Variants in CDKL2 observed in about 807,000 individuals in gnomAD.
CDKL2 encodes cyclin-dependent kinase-like 2.
A neutral mutation model predicts 63.9 loss-of-function variants in CDKL2; 64 were observed. The observed-to-expected ratio is 1.00, with a 90% confidence interval of 0.82 to 1.23. CDKL2 has a LOEUF of 1.23. CDKL2 is among the 50% of genes most tolerant of loss of function. CDKL2 has a pLI of 0.00. For missense variants in CDKL2, 656 were observed against 668.0 expected, an observed-to-expected ratio of 0.98 and a Z score of 0.20; for synonymous variants, 211 against 229.2, an observed-to-expected ratio of 0.92 and a Z score of 0.72.
intron 2 of CDKL2, among the ~76,000 whole-genome samples, chr4:75,620,941 T>C (rs1730125748): frequency 7.1e-6 from 1 of 140,088 alleles, no homozygotes; most frequent in African/African-American, 3.0e-5. Context: ...GCTGAGCATT[T>C]TTTTTTTTTT....
At chr4:75,619,346 A>G (rs932982643) in intron 2 of CDKL2, among the ~76,000 whole-genome samples, 14 of 152,156 alleles carry the variant, frequency 9.2e-5, no homozygotes, top group Non-Finnish European at 1.8e-4. Flanking sequence ...AGAGCCCCCA[A>G]TAACCACCAG....
intron 3 of CDKL2, among the ~76,000 whole-genome samples, chr4:75,610,891 C>G (rs1203543185): frequency 6.6e-6 from 1 of 151,998 alleles, no homozygotes; most frequent in East Asian, 1.9e-4. Context: ...TATTATCTGT[C>G]TACATTAAAA....
chr4:75,593,446 C>T (rs777265223), intron 10 of CDKL2, among the ~76,000 whole-genome samples: 6 of 152,020 alleles, frequency 3.9e-5, no homozygotes, highest in Non-Finnish European at 5.9e-5. Context: ...CATTAATTTT[C>T]GTTAAGGAAA....
intron 3 of CDKL2, among the ~76,000 whole-genome samples, chr4:75,608,720 G>T (rs181422033): frequency 6.6e-6 from 1 of 152,280 alleles, no homozygotes; most frequent in African/African-American, 2.4e-5. Flanking sequence ...TAGGCCGCAC[G>T]CAGTGGCTCA....
At chr4:75,591,143 A>T (rs1728696534) in intron 12 of CDKL2, among the ~76,000 whole-genome samples, 1 of 152,242 alleles carries the variant, frequency 6.6e-6, no homozygotes, top group African/African-American at 2.4e-5. Flanking sequence ...ATTCTGGAAG[A>T]ATAAAAACAA....
chr4:75,614,483 A>T (rs762463336), intron 2 of CDKL2, 34 bp from the exon 3 acceptor site: 13 of 1,343,492 alleles, frequency 9.7e-6, no homozygotes, highest in Middle Eastern at 1.9e-4. Context: ...GCTGTTATTT[A>T]AAAATGCAAA....
intron 3 of CDKL2, among the ~76,000 whole-genome samples, chr4:75,611,167 A>G (rs766544089): frequency 3.3e-5 from 5 of 152,146 alleles, no homozygotes; most frequent in Non-Finnish European, 7.3e-5. Context: ...AGAGTTTAAG[A>G]GTAAATGGAG....
At chr4:75,582,019 T>C in intron 12 of CDKL2, 121 bp from the exon 13 acceptor site, 1 of 663,806 alleles carries the variant, frequency 1.5e-6, no homozygotes, top group East Asian at 2.8e-5. Context: ...ATAGCTCAAG[T>C]TGCCTACATG....
In CDKL2 at chr4:75,625,911, A is replaced by G. The variant is rs758527485; in HGVS notation, c.78T>C (p.Thr26=). 1 of 1,612,806 alleles carries G rather than the reference A, an allele frequency of 6.2e-7. No homozygotes were observed. Among genetic ancestry groups the G allele is most frequent in the Non-Finnish European group, 8.5e-7 (1 of 1,179,230 alleles). ...ACTTCTTTATGGCCACAATTCTTCC[A>G]GTATCTTTATTCCTACACTTCATCA... ...GMVMKCRNKD[T]GRIVAIKKFL... The change falls in exon 2 of 14, where the codon ACT becomes ACC. Residue 26 remains threonine (T), a synonymous_variant. Transcript: ENST00000307465.
Position 75,600,320 on chromosome 4 carries a change from A to G in CDKL2, c.845T>C (p.Leu282Pro), listed in dbSNP as rs773821131. Residue 282 changes from leucine to proline, a missense_variant, in exon 7 of 14, where the codon CTA (leucine) becomes CCA (proline). Coordinates refer to ENST00000307465, the MANE Select transcript of CDKL2 (RefSeq NM_001330724.2). The part of the protein sequence containing the change: ...PDKRPFCAEL[L>P]HHDFFQMDGF... ...ATCCATTTGAAAGAAATCATGGTGTAGGAGCTCAGCACAGAAGGGTCTTTT... is the reference window on the plus strand; with the variant it reads ...ATCCATTTGAAAGAAATCATGGTGTGGGAGCTCAGCACAGAAGGGTCTTTT... 48 of 1,613,666 alleles carry G rather than the reference A, an allele frequency of 3.0e-5. No individual in the cohort carries two copies. Among genetic ancestry groups the G allele is most frequent in the African/African-American group, 4.0e-5 (3 of 74,922 alleles).
intron 1 of CDKL2, among the ~76,000 whole-genome samples, chr4:75,629,606 T>TA (rs1251183388): frequency 6.6e-6 from 1 of 152,214 alleles, no homozygotes; most frequent in Non-Finnish European, 1.5e-5. Flanking sequence ...ACAATTTTGA[T>TA]AAAAATATTT....
chr4:75,581,778 G>A, intron 13 of CDKL2, 32 bp downstream of exon 13: 2 of 1,256,412 alleles, frequency 1.6e-6, no homozygotes, highest in East Asian at 2.3e-5. Context: ...GTGAAAGGCT[G>A]CACAGCTTTA....
intron 6 of CDKL2, among the ~76,000 whole-genome samples, chr4:75,603,018 A>C (rs1336130992): frequency 9.4e-6 from 1 of 106,186 alleles, no homozygotes; most frequent in Non-Finnish European, 1.7e-5. Context: ...TTTGAGACGG[A>C]GTCTCGCTCT....
At chr4:75,614,056 C>A (rs377563910) in intron 3 of CDKL2, among the ~76,000 whole-genome samples, 199 bp downstream of exon 3, 1 of 151,868 alleles carries the variant, frequency 6.6e-6, no homozygotes, top group Admixed American at 6.6e-5. Context: ...GACTCTGTCT[C>A]GGAAAAAAAC....
rs1728046520 is a variant in CDKL2 at position 75,576,920 on chromosome 4, A to G, written c.*2282T>C. Among the ~76,000 whole-genome samples the G allele has an allele frequency of 1.3e-5, 2 of 152,212 alleles. No homozygotes were observed. The highest frequency in any genetic ancestry group is 4.1e-4 in the South Asian group (2 of 4,826). ...CAACTATTACCAGTTAGTCTTTATAAGAAATGTTATTTTATGACCATGCTG... is the reference window on the plus strand; with the variant it reads ...CAACTATTACCAGTTAGTCTTTATAGGAAATGTTATTTTATGACCATGCTG... On this transcript the variant is annotated 3_prime_UTR_variant, in exon 14 of 14. Transcript: ENST00000307465.
rs372845187 is a variant in CDKL2 at position 75,598,041 on chromosome 4, T to C, written c.1020+36A>G. ...TTCTCAAAAAATTTAAAAAAATAAG[T>C]ATATTAAATCTAAAATGTGAAACAT... On this transcript the variant is annotated intron_variant, in intron 8 of 13. Transcript: ENST00000307465. 3.8e-6 allele frequency: 5 copies of C among 1,307,984 alleles called. No homozygotes were observed. In the African/African-American group the frequency reaches 6.2e-5, roughly 16 times the overall value. 81.0% of individuals were successfully genotyped at this position (1,307,984 alleles called of 1,614,324 possible).
At chr4:75,626,239 T>C (rs1730401247) in intron 1 of CDKL2, among the ~76,000 whole-genome samples, 1 of 152,218 alleles carries the variant, frequency 6.6e-6, no homozygotes, top group African/African-American at 2.4e-5. Flanking sequence ...CATTTCATAA[T>C]AGACAACGCA....
intron 12 of CDKL2, among the ~76,000 whole-genome samples, chr4:75,587,262 T>C (rs1728516169): frequency 6.6e-6 from 1 of 151,934 alleles, no homozygotes; most frequent in South Asian, 2.1e-4. Flanking sequence ...GAGACCAGCC[T>C]GGCCAACATG....
chr4:75,603,519 A>C (rs1351382676), intron 6 of CDKL2, among the ~76,000 whole-genome samples: 3 of 150,536 alleles, frequency 2.0e-5, no homozygotes, highest in African/African-American at 7.3e-5. Flanking sequence ...TCACGAGGTC[A>C]GGAGATTGAG....
Sources: gnomAD v4.1 joint callset for allele counts (sites outside exome capture counted in the v4.1 genomes callset) on GRCh38, gnomAD v4.1.1 for gene constraint, MANE v1.5 for transcripts, NCBI Gene and HGNC (gene_info 2026-07-23, HGNC 2026-07-21) for gene names.